LRIT2: variants seen among roughly 807,000 people sequenced by gnomAD.
The protein encoded by LRIT2 is leucine-rich repeat, immunoglobulin-like domain and transmembrane domain-containing protein 2.
Under a neutral mutation model 22.4 loss-of-function variants are expected in LRIT2, and 23 were observed. The observed-to-expected ratio is 1.03, with a 90% confidence interval of 0.74 to 1.45. LRIT2 has a LOEUF of 1.45. Among genes scored for constraint, LRIT2 ranks in the 40% most tolerant of loss-of-function variants. The pLI is 0.00. For synonymous variants in LRIT2, 291 were observed against 267.1 expected, an observed-to-expected ratio of 1.09 and a Z score of -0.87; for missense variants, 784 against 665.6, an observed-to-expected ratio of 1.18 and a Z score of -1.96.
chr10:84,222,202 T>C lies in LRIT2; in HGVS notation c.1371A>G (p.Leu457=), dbSNP rs1456281678. 1 of 1,614,196 alleles carries C rather than the reference T, an allele frequency of 6.2e-7. No individual in the cohort carries two copies. Among genetic ancestry groups the C allele is most frequent in the East Asian group, 2.2e-5 (1 of 44,878 alleles). ...AFVTGRDAGG[L]EAREHLLHVT... is the part of the protein sequence containing the mutation. ...CATGCAGGAGGTGCTCACGTGCCTC[T>C]AGCCCACCAGCATCTCTGCCTGTTA... The change falls in exon 3 of 3, where the codon CTA becomes CTG. Residue 457 remains leucine, a synonymous_variant. Coordinates refer to ENST00000372113, the MANE Select transcript of LRIT2 (RefSeq NM_001017924.5).
intron 2 of LRIT2, among the ~76,000 whole-genome samples, chr10:84,223,427 T>C (rs138880073): frequency 9.6e-5 from 14 of 146,242 alleles, no homozygotes; most frequent in African/African-American, 2.9e-4. Flanking sequence ...TTTTCTTTCA[T>C]TGATATTGAA....
chr10:84,222,509 G>A lies in LRIT2; in HGVS notation c.1064C>T (p.Ser355Phe), dbSNP rs1213018289. 1 of 1,614,026 alleles carries A rather than the reference G, an allele frequency of 6.2e-7. No individual in the cohort carries two copies. The highest frequency in any genetic ancestry group is 1.3e-5 in the African/African-American group (1 of 75,002). The change falls in exon 3 of 3, where the codon TCT becomes TTT. Residue 355 changes from serine (S) to phenylalanine (F), a missense_variant. Transcript: ENST00000372113. ...ATTGCCCTCCGAGGGGATGGAAAGA[G>A]AATCAGGTGCATGTAGGGCCTGGGC... ...QPAQALHAPD[S>F]LSIPSEGNAY...
rs763630005 is a variant in LRIT2, at chr10:84,221,939, C to T, written c.1634G>A (p.Gly545Glu). The T allele has an allele frequency of 5.2e-6, 8 of 1,527,840 alleles. No homozygotes were observed. The East Asian group carries it at 1.8e-4, about 35-fold the overall frequency. The allele number at this position is 1,527,840 out of a possible 1,614,324, so 94.6% of individuals were successfully genotyped here. Residue 545 changes from glycine to glutamate, a missense_variant, in exon 3 of 3, where the codon GGA becomes GAA. Physicochemically the swap from Gly to Glu is moderately conservative, Grantham distance 98. Coordinates refer to ENST00000372113, the MANE Select transcript of LRIT2 (RefSeq NM_001017924.5). ...GGTTGTTCAGCTGTTGTCTTCCGTT[C>T]CTCCTTTCTCCTTGTCCCCCTCAGT... ...IDTEGDKEKGGTEDNS is the reference protein window; with the variant it reads ...IDTEGDKEKGETEDNS
In LRIT2 at chr10:84,224,904, C is replaced by T. The variant is rs1317369256; in HGVS notation, c.321G>A (p.Glu107=). ...AGAGCTTGTTCCCCTCCAGTCTCAG[C>T]TCCCTCAGTTCTGGCAGGTGTTCCA... ...GALEHLPELR[E]LRLEGNKLCS... is the part of the protein sequence containing the mutation. The change falls in exon 2 of 3, where the codon GAG becomes GAA. Residue 107 remains glutamate, a synonymous_variant. Coordinates refer to ENST00000372113, the MANE Select transcript of LRIT2 (RefSeq NM_001017924.5). The T allele has an allele frequency of 6.2e-7, 1 of 1,614,200 alleles. No individual in the cohort carries two copies. Among genetic ancestry groups the T allele is most frequent in the Non-Finnish European group, 8.5e-7 (1 of 1,180,040 alleles).
rs1341823479 is a variant in LRIT2, at chr10:84,224,656, A to G, written c.569T>C (p.Leu190Pro). ...CRQPDCGAEI[L>P]SSLVVALHDN... ...ATGCAGGGCCACCACCAGGCTGGAG[A>G]GAATCTCAGCCCCACAGTCAGGCTG... is the stretch of plus-strand genomic sequence containing the variant. The change falls in exon 2 of 3, where the codon CTC becomes CCC. Residue 190 changes from leucine (L) to proline (P), a missense_variant. Leu to Pro is a moderately conservative substitution (Grantham distance 98). Coordinates refer to ENST00000372113, the MANE Select transcript of LRIT2 (RefSeq NM_001017924.5). 1 of 1,614,044 alleles carries G rather than the reference A, an allele frequency of 6.2e-7. No individual in the cohort carries two copies. The highest frequency in any genetic ancestry group is 8.5e-7 in the Non-Finnish European group (1 of 1,180,026).
Position 84,225,119 on chromosome 10 carries a change from A to G in LRIT2, c.111-5T>C, listed in dbSNP as rs767381741. On this transcript the variant is annotated splice_region_variant and splice_polypyrimidine_tract_variant and intron_variant, in intron 1 of 2. Transcript: ENST00000372113. ...ACAGATGTGCACTGCAGAGTCCTGTACAAGAAACCAGAACAGCTTTAAGAT... is the reference window on the plus strand; with the variant it reads ...ACAGATGTGCACTGCAGAGTCCTGTGCAAGAAACCAGAACAGCTTTAAGAT... The G allele has an allele frequency of 1.1e-5, 18 of 1,597,246 alleles. No homozygotes were observed. In the East Asian group the frequency reaches 1.3e-4, roughly 12 times the overall value.
rs1438174738 is a variant in LRIT2, at chr10:84,222,516, G to A, written c.1057C>T (p.Pro353Ser). 1 of 1,613,902 alleles carries A rather than the reference G, an allele frequency of 6.2e-7. No individual in the cohort carries two copies. Among genetic ancestry groups the A allele is most frequent in the Non-Finnish European group, 8.5e-7 (1 of 1,180,030 alleles). The change falls in exon 3 of 3, where the codon CCT (proline) becomes TCT (serine). Residue 353 changes from proline to serine, a missense_variant. Pro to Ser is a moderately conservative substitution (Grantham distance 74). Transcript: ENST00000372113. ...TCCGAGGGGATGGAAAGAGAATCAGGTGCATGTAGGGCCTGGGCAGGCTGG... is the reference window on the plus strand; with the variant it reads ...TCCGAGGGGATGGAAAGAGAATCAGATGCATGTAGGGCCTGGGCAGGCTGG... Reference protein sequence around the residue: ...HVQPAQALHAPDSLSIPSEGN... With the variant: ...HVQPAQALHASDSLSIPSEGN...
At chr10:84,225,205 A>G (rs1564672832) in intron 1 of LRIT2, 91 bp from the exon 2 acceptor site, 1 of 1,298,804 alleles carries the variant, frequency 7.7e-7, no homozygotes, top group Non-Finnish European at 1.1e-6. Context: ...TGTGAATCAG[A>G]ATAAAAATAT....
intron 1 of LRIT2, 73 bp from the exon 2 acceptor site, chr10:84,225,187 A>T: frequency 7.3e-7 from 1 of 1,364,602 alleles, no homozygotes; most frequent in Non-Finnish European, 1.0e-6. Flanking sequence ...TGATCCTGGC[A>T]TTAGACATGT....
At position 84,222,532 on chromosome 10, in the gene LRIT2, G is replaced by T. The variant is rs1244549237; in HGVS notation, c.1041C>A (p.Ala347=). 20 of 1,613,858 alleles carry T rather than the reference G, an allele frequency of 1.2e-5. No individual in the cohort carries two copies. Among genetic ancestry groups the T allele is most frequent in the Non-Finnish European group, 1.7e-5 (20 of 1,180,024 alleles). ...NLVISLHVQP[A]QALHAPDSLS... is the part of the protein sequence containing the mutation. ...GAGAATCAGGTGCATGTAGGGCCTG[G>T]GCAGGCTGGACATGGAGAGAGATTA... Residue 347 remains alanine (A), a synonymous_variant, in exon 3 of 3, where the codon GCC becomes GCA. Coordinates refer to ENST00000372113, the MANE Select transcript of LRIT2 (RefSeq NM_001017924.5).
At chr10:84,225,307 G>A (rs1268726030) in intron 1 of LRIT2, 104 bp downstream of exon 1, 1 of 1,375,972 alleles carries the variant, frequency 7.3e-7, no homozygotes, top group Non-Finnish European at 9.8e-7. Context: ...GTCTCATAGA[G>A]TTTTGCTGAT....
At chr10:84,223,623 A>T (rs945165086) in intron 2 of LRIT2, among the ~76,000 whole-genome samples, 2 of 152,158 alleles carry the variant, frequency 1.3e-5, no homozygotes, top group Non-Finnish European at 1.5e-5. Context: ...ACAGGACACG[A>T]GGAATGTACG....
rs753010107 is a variant in LRIT2 at position 84,221,974 on chromosome 10, C to A, written c.1599G>T (p.Gly533=). 2 of 1,572,252 alleles carry A rather than the reference C, an allele frequency of 1.3e-6. No individual in the cohort carries two copies. The highest frequency in any genetic ancestry group is 1.2e-5 in the South Asian group (1 of 84,640). The change falls in exon 3 of 3, where the codon GGG becomes GGT. Residue 533 remains glycine, a synonymous_variant. Coordinates refer to ENST00000372113, the MANE Select transcript of LRIT2 (RefSeq NM_001017924.5). ...EHPAVCDDGE[G]HIDTEGDKEK... is the part of the protein sequence containing the mutation. ...CCTTGTCCCCCTCAGTGTCTATGTG[C>A]CCTTCACCGTCATCACAGACAGCTG...
chr10:84,225,470 T>C lies in LRIT2; in HGVS notation c.51A>G (p.Thr17=), dbSNP rs200730131. The part of the protein sequence containing the change: ...YFLLVLVFLD[T]HAAQPFCLPG... ...GCAGACAGAAAGGCTGAGCTGCGTG[T>C]GTATCCAGAAAGACCAGAACTAACA... The change falls in exon 1 of 3, where the codon ACA becomes ACG. Residue 17 remains threonine (T), a synonymous_variant. Transcript: ENST00000372113. 6.2e-7 allele frequency: 1 copy of C among 1,614,218 alleles called. No homozygotes were observed. Among genetic ancestry groups the C allele is most frequent in the East Asian group, 2.2e-5 (1 of 44,880 alleles).
chr10:84,225,405 G>C lies in LRIT2; in HGVS notation c.110+6C>G. On this transcript the variant is annotated splice_donor_region_variant and intron_variant, in intron 1 of 2. Transcript: ENST00000372113. ...AACCCTCTAACATCTGGCCAGCAGA[G>C]CGCACCTGCCAAAACTCTCCTCTGA... is the stretch of plus-strand genomic sequence containing the variant. 1 of 1,613,684 alleles carries C rather than the reference G, an allele frequency of 6.2e-7. No homozygotes were observed.
downstream of LRIT2, chr10:84,220,546 T>C (rs543038730): frequency 6.6e-6 from 1 of 152,228 alleles, no homozygotes; most frequent in South Asian, 2.1e-4. Context: ...GAGTAGAATC[T>C]GAAGAAATGA....
chr10:84,224,742 A>G lies in LRIT2; in HGVS notation c.483T>C (p.Asn161=), dbSNP rs758344192. 1.1e-5 allele frequency: 17 copies of G among 1,614,038 alleles called. No individual in the cohort carries two copies. In the East Asian group the frequency reaches 1.3e-4, roughly 13 times the overall value. ...VSLTYLDLSS[N]RLTVVSKSVF... is the part of the protein sequence containing the mutation. ...CACTCTTGGATACAACTGTAAGCCT[A>G]TTGGAGGATAGGTCAAGGTAGGTCA... The change falls in exon 2 of 3, where the codon AAT becomes AAC. Residue 161 remains asparagine (N), a synonymous_variant. Coordinates refer to ENST00000372113, the MANE Select transcript of LRIT2 (RefSeq NM_001017924.5).
Position 84,225,443 on chromosome 10 carries a change from T to C in LRIT2, c.78A>G (p.Pro26=), listed in dbSNP as rs2132855859. The C allele has an allele frequency of 6.2e-7, 1 of 1,614,202 alleles. No individual in the cohort carries two copies. Among genetic ancestry groups the C allele is most frequent in the Non-Finnish European group, 8.5e-7 (1 of 1,180,038 alleles). The stretch of plus-strand genomic sequence containing the variant: ...AACTCTCCTCTGAGCAAGTGCATCC[T>C]GGCAGACAGAAAGGCTGAGCTGCGT... ...DTHAAQPFCL[P]GCTCSEESFG... is the part of the protein sequence containing the mutation. Residue 26 remains proline (P), a synonymous_variant, in exon 1 of 3, where the codon CCA becomes CCG. Coordinates refer to ENST00000372113, the MANE Select transcript of LRIT2 (RefSeq NM_001017924.5).
chr10:84,222,870 T>A (rs1266384508), intron 2 of LRIT2, 190 bp from the exon 3 acceptor site: 1 of 719,178 alleles, frequency 1.4e-6, no homozygotes, highest in Non-Finnish European at 2.5e-6. Context: ...GTAAGATAAA[T>A]AACTGATCTT....
Sources: allele counts gnomAD v4.1 joint callset (sites outside exome capture counted in the v4.1 genomes callset), GRCh38; gene constraint gnomAD v4.1.1; transcripts MANE v1.5; gene names NCBI Gene and HGNC (gene_info 2026-07-23, HGNC 2026-07-21).